HTR1F: variants seen among roughly 807,000 people sequenced by gnomAD.
HTR1F encodes the protein 5-hydroxytryptamine receptor 1F.
Under a neutral mutation model 24.0 loss-of-function variants are expected in HTR1F, and 17 were observed. That is an observed-to-expected ratio of 0.71 (90% CI 0.48 to 1.06). The LOEUF (loss-of-function observed/expected upper bound fraction) is 1.06. Ranked by LOEUF, HTR1F falls within the 50% of genes least tolerant of loss-of-function variation. The probability of loss-of-function intolerance (pLI) is 0.00; values close to 1 mark genes in which losing one functional copy is unlikely to be tolerated. For synonymous variants in HTR1F, 186 were observed against 156.8 expected (o/e 1.19, Z -1.39); for missense variants, 391 against 427.8 (o/e 0.91, Z 0.76).
At chr3:87,963,616 A>G (rs1705107596) in intron 2 of HTR1F, among the ~76,000 whole-genome samples, 1 of 152,158 alleles carries the variant, frequency 6.6e-6, no homozygotes, top group South Asian at 2.1e-4. Context: ...TGTGGGCCTC[A>G]AATGTTTTCT....
chr3:87,850,979 A>G (rs896133194), intron 2 of HTR1F, among the ~76,000 whole-genome samples: 3 of 151,612 alleles, frequency 2.0e-5, no homozygotes, highest in African/African-American at 7.3e-5. Context: ...CTTTCTAAAA[A>G]TTGTTATTAT....
At chr3:87,809,870 A>C (rs1704131956) in intron 1 of HTR1F, among the ~76,000 whole-genome samples, 1 of 151,978 alleles carries the variant, frequency 6.6e-6, no homozygotes, top group South Asian at 2.1e-4. Context: ...GTTTGCCTAA[A>C]GTTTGTGGGC....
Position 87,992,573 on chromosome 3 carries a change from T to C in HTR1F, c.*723T>C, listed in dbSNP as rs1368108087. 6.0e-6 allele frequency: 1 copy of C among 167,064 alleles called. No individual in the cohort carries two copies. Among genetic ancestry groups the C allele is most frequent in the Non-Finnish European group, 1.5e-5 (1 of 68,084 alleles). 10.3% of individuals were successfully genotyped at this position (167,064 alleles called of 1,614,324 possible). A position where few individuals can be genotyped will look rare whatever the true frequency, so the allele number is the denominator to read the frequency against. On this transcript the variant is annotated 3_prime_UTR_variant, in exon 3 of 3. Transcript: ENST00000319595. ...ATTATCAGCATTTGAAATCAAAGCCTTACCTTAGTAACAATAACTCAACAA... is the reference window on the plus strand; with the variant it reads ...ATTATCAGCATTTGAAATCAAAGCCCTACCTTAGTAACAATAACTCAACAA...
intron 2 of HTR1F, among the ~76,000 whole-genome samples, chr3:87,958,850 C>T (rs1705001241): frequency 6.6e-6 from 1 of 151,396 alleles, no homozygotes; most frequent in Admixed American, 6.6e-5. Flanking sequence ...ACTCTTTTTA[C>T]TTTATATTTC....
intron 2 of HTR1F, among the ~76,000 whole-genome samples, chr3:87,853,339 C>T (rs1278996354): frequency 1.3e-5 from 2 of 151,930 alleles, no homozygotes; most frequent in South Asian, 2.1e-4. Flanking sequence ...TCTGTTCCTG[C>T]GTTAGTTTGC....
intron 1 of HTR1F, among the ~76,000 whole-genome samples, chr3:87,813,010 C>T (rs1185293354): frequency 6.6e-6 from 1 of 152,192 alleles, no homozygotes; most frequent in Non-Finnish European, 1.5e-5. Context: ...GGGTAGGGCC[C>T]TCATGGAGAA....
chr3:87,840,574 T>C (rs1045358228), intron 2 of HTR1F, among the ~76,000 whole-genome samples: 1 of 152,116 alleles, frequency 6.6e-6, no homozygotes, highest in African/African-American at 2.4e-5. Context: ...TATTAACATA[T>C]GATCCAGCAA....
chr3:87,965,237 A>G (rs1366257358), intron 2 of HTR1F, among the ~76,000 whole-genome samples: 2 of 152,198 alleles, frequency 1.3e-5, no homozygotes, highest in Admixed American at 6.5e-5. Context: ...CATGCCCTTC[A>G]TAAACCCAGA....
At chr3:87,863,292 T>A (rs188982294) in intron 2 of HTR1F, among the ~76,000 whole-genome samples, 1 of 152,220 alleles carries the variant, frequency 6.6e-6, no homozygotes, top group Non-Finnish European at 1.5e-5. Context: ...TTAATTTTAG[T>A]GTCTTGCAAT....
At chr3:87,820,970 A>C (rs1327953230) in intron 1 of HTR1F, among the ~76,000 whole-genome samples, 2 of 152,288 alleles carry the variant, frequency 1.3e-5, no homozygotes, top group Admixed American at 1.3e-4. Flanking sequence ...ACTATCTTTC[A>C]ACTGAAGGTA....
intron 2 of HTR1F, among the ~76,000 whole-genome samples, chr3:87,858,579 A>G (rs1266866320): frequency 6.6e-6 from 1 of 152,074 alleles, no homozygotes. Context: ...TACTATATTT[A>G]TGGATGTGGT....
chr3:87,926,810 C>G (rs891049263), intron 2 of HTR1F, among the ~76,000 whole-genome samples: 4 of 151,962 alleles, frequency 2.6e-5, no homozygotes, highest in African/African-American at 9.7e-5. Flanking sequence ...GAGTTGCTAC[C>G]CACACATGTT....
intron 2 of HTR1F, among the ~76,000 whole-genome samples, chr3:87,958,411 T>C (rs1704991969): frequency 6.6e-6 from 1 of 151,670 alleles, no homozygotes; most frequent in African/African-American, 2.4e-5. Flanking sequence ...TCTGTCTCTC[T>C]TTAATTCTGT....
intron 2 of HTR1F, among the ~76,000 whole-genome samples, chr3:87,918,818 C>T (rs529836369): frequency 6.6e-6 from 1 of 152,008 alleles, no homozygotes; most frequent in South Asian, 2.1e-4. Flanking sequence ...TCTACAAATT[C>T]AATGCAGTCT....
chr3:87,925,239 G>T (rs1386985372), intron 2 of HTR1F, among the ~76,000 whole-genome samples: 1 of 152,068 alleles, frequency 6.6e-6, no homozygotes, highest in South Asian at 2.1e-4. Flanking sequence ...CAAGGGATTG[G>T]GGCGACCAAT....
intron 1 of HTR1F, among the ~76,000 whole-genome samples, chr3:87,798,807 C>T (rs1703948105): frequency 6.6e-6 from 1 of 152,288 alleles, no homozygotes; most frequent in Middle Eastern, 3.4e-3. Flanking sequence ...ATCATCCATG[C>T]CTTATTTTTC....
At chr3:87,898,142 T>C (rs1706243414) in intron 2 of HTR1F, among the ~76,000 whole-genome samples, 1 of 152,084 alleles carries the variant, frequency 6.6e-6, no homozygotes, top group Non-Finnish European at 1.5e-5. Context: ...CCCCTTACAG[T>C]ATTACCAAGG....
chr3:87,827,535 C>T (rs1330526642), intron 2 of HTR1F, among the ~76,000 whole-genome samples: 2 of 152,228 alleles, frequency 1.3e-5, no homozygotes, highest in South Asian at 2.1e-4. Context: ...AGTATGTATG[C>T]TTCTCTCATT....
intron 2 of HTR1F, among the ~76,000 whole-genome samples, chr3:87,969,375 G>A (rs1452657030): frequency 1.3e-5 from 2 of 152,220 alleles, no homozygotes; most frequent in Non-Finnish European, 2.9e-5. Flanking sequence ...CAGGAGCAGA[G>A]CTGCCCAAGA....
Sources: allele counts gnomAD v4.1 joint callset (sites outside exome capture counted in the v4.1 genomes callset), GRCh38; gene constraint gnomAD v4.1.1; transcripts MANE v1.5; gene names NCBI Gene and HGNC (gene_info 2026-07-23, HGNC 2026-07-21).